Variants in IDS observed in about 807,000 individuals in gnomAD.
IDS encodes the protein alpha-L-iduronate sulfate sulfatase.
In IDS, 1 loss-of-function variant was observed where a neutral mutation model predicts 33.5. The ratio of observed to expected loss-of-function variants is 0.03; its 90% CI spans 0.01 to 0.14. The LOEUF is 0.14. Ranked by LOEUF, IDS falls within the 10% of genes least tolerant of loss-of-function variation. The pLI, the probability that IDS is intolerant of heterozygous loss-of-function variation, is 1.00. For synonymous variants in IDS, 191 were observed against 184.4 expected, an observed-to-expected ratio of 1.04 and a Z score of -0.29; for missense variants, 328 against 448.0, an observed-to-expected ratio of 0.73 and a Z score of 2.42.
Position 149,496,408 on chromosome X carries a change from G to A in IDS, c.817C>T (p.Arg273Trp), listed in dbSNP as rs1602740899. The A allele has an allele frequency of 3.3e-6, 4 of 1,210,280 alleles. No homozygotes were observed. The highest frequency in any genetic ancestry group is 2.2e-5 in the Admixed American group (1 of 46,059). The change falls in exon 6 of 9, where the codon CGG becomes TGG. Residue 273 changes from arginine to tryptophan, a missense_variant. Arg to Trp is a moderately radical substitution (Grantham distance 101). Transcript: ENST00000340855. ...AYNPWMDIRQ[R>W]EDVQALNISV... ...ATGTTTAAGGCTTGGACGTCTTCCC[G>A]TTGCCTGATGTCCATCCAGGGGTTG...
Position 149,478,356 on chromosome X carries a change from G to A in IDS, c.*4390C>T, listed in dbSNP as rs1454147185. On this transcript the variant is annotated 3_prime_UTR_variant, in exon 9 of 9. Transcript: ENST00000340855. ...ATTGCAATGGCCAAAAGGTAGAAAT[G>A]ACCCAAGTGGTCACTGGTGGATGAA... 8.9e-6 allele frequency: 1 copy of A among 112,167 alleles called. No individual in the cohort carries two copies. Among genetic ancestry groups the A allele is most frequent in the African/African-American group, 3.2e-5 (1 of 30,790 alleles). The allele number at this position is 112,167 out of a possible 1,213,427, so 9.2% of individuals were successfully genotyped here.
At chrX:149,496,680 C>T (rs1449734558) in intron 5 of IDS, among the ~76,000 whole-genome samples, 164 bp from the exon 6 acceptor site, 1 of 112,383 alleles carries the variant, frequency 8.9e-6, no homozygotes, top group Non-Finnish European at 1.9e-5. Context: ...GAAGTCCAGC[C>T]TTAAGTTACT....
chrX:149,490,225 C>T, intron 7 of IDS, 89 bp downstream of exon 7: 1 of 982,581 alleles, frequency 1.0e-6, no homozygotes, highest in Non-Finnish European at 1.5e-6. Context: ...GAGAACACAC[C>T]CATGTTTATG....
At chrX:149,498,031 C>T in intron 5 of IDS, 76 bp downstream of exon 5, 2 of 933,909 alleles carry the variant, frequency 2.1e-6, no homozygotes, top group Non-Finnish European at 3.1e-6. Context: ...AGCCACCTTC[C>T]CTGTGCAAAT....
intron 6 of IDS, among the ~76,000 whole-genome samples, chrX:149,494,006 G>A (rs2089415328): frequency 9.0e-6 from 1 of 111,483 alleles, no homozygotes; most frequent in Admixed American, 9.5e-5. Context: ...TAGAGAAGAG[G>A]TCATGCAAAC....
Position 149,505,199 on chromosome X carries a change from G to C in IDS, c.-62C>G. 5.9e-6 allele frequency: 5 copies of C among 841,424 alleles called. No individual in the cohort carries two copies. The highest frequency in any genetic ancestry group is 5.6e-5 in the Admixed American group (2 of 35,882). 69.3% of individuals were successfully genotyped at this position (841,424 alleles called of 1,213,427 possible). A position where few individuals can be genotyped will look rare whatever the true frequency, so the allele number is the denominator to read the frequency against. ...CAGGCTGCAGCAGGTGGCGCAGTTA[G>C]CAGCCGCCGCCGCAGCCACAGAGAC... On this transcript the variant is annotated 5_prime_UTR_variant, in exon 1 of 9. Coordinates refer to ENST00000340855, the MANE Select transcript of IDS (RefSeq NM_000202.8).
At chrX:149,504,759 GA>G (rs1557340495) in intron 1 of IDS, among the ~76,000 whole-genome samples, 1 of 102,262 alleles carries the variant, frequency 9.8e-6, no homozygotes, top group East Asian at 3.1e-4. Context: ...AAGATGGATG[GA>G]TAGAGATGGG....
Position 149,482,320 on chromosome X carries a change from C to T in IDS, c.*426G>A. ...AAATTATAAACAAAATAATCAGGAA[C>T]TTAGTGTGGTGCCTAGTTTGATATA... On this transcript the variant is annotated 3_prime_UTR_variant, in exon 9 of 9. Coordinates refer to ENST00000340855, the MANE Select transcript of IDS (RefSeq NM_000202.8). 7.5e-6 allele frequency: 1 copy of T among 133,031 alleles called. No individual in the cohort carries two copies. The highest frequency in any genetic ancestry group is 2.1e-4 in the South Asian group (1 of 4,680). 11.0% of individuals were successfully genotyped at this position (133,031 alleles called of 1,213,427 possible).
intron 1 of IDS, among the ~76,000 whole-genome samples, 162 bp downstream of exon 1, chrX:149,504,873 T>G (rs2089511594): frequency 5.4e-5 from 5 of 91,830 alleles, no homozygotes; most frequent in African/African-American, 1.3e-4. Flanking sequence ...TAGGAAGGAG[T>G]GAAAAATGGA....
chrX:149,486,339 G>A (rs1344919929), intron 8 of IDS, among the ~76,000 whole-genome samples: 1 of 111,861 alleles, frequency 8.9e-6, no homozygotes, highest in East Asian at 2.8e-4. Context: ...ATTGGTGGAT[G>A]GACAGGGTCG....
chrX:149,489,902 G>C (rs1003283472), intron 7 of IDS, among the ~76,000 whole-genome samples: 1 of 110,679 alleles, frequency 9.0e-6, no homozygotes, highest in Admixed American at 9.6e-5. Context: ...AGACAGCGGG[G>C]ATAGGGGTGG....
rs148038243 is a variant in IDS, at chrX:149,496,400, G to A, written c.825C>T (p.Asp275=). The A allele has an allele frequency of 1.8e-3, 2,178 of 1,209,266 alleles. 3 individuals carry two copies. The highest frequency in any genetic ancestry group is 2.3e-3 in the Non-Finnish European group (2,081 of 894,510). Residue 275 remains aspartate, a synonymous_variant, in exon 6 of 9, where the codon GAC becomes GAT. Transcript: ENST00000340855. Reference sequence around the variant, plus strand: ...GCACACTGATGTTTAAGGCTTGGACGTCTTCCCGTTGCCTGATGTCCATCC... The same window carrying A: ...GCACACTGATGTTTAAGGCTTGGACATCTTCCCGTTGCCTGATGTCCATCC... ...NPWMDIRQRE[D]VQALNISVPY... is the part of the protein sequence containing the mutation.
chrX:149,498,890 T>C (rs1003015445), intron 4 of IDS, among the ~76,000 whole-genome samples: 34 of 112,449 alleles, frequency 3.0e-4, no homozygotes, highest in African/African-American at 1.1e-3. Context: ...CCTCAAACAG[T>C]TAAACATAGT....
intron 7 of IDS, among the ~76,000 whole-genome samples, chrX:149,487,928 G>A (rs1426497395): frequency 4.4e-5 from 4 of 91,487 alleles, no homozygotes; most frequent in South Asian, 6.2e-4. Flanking sequence ...TGCTGGCTCC[G>A]TCTAATAGAT....
rs1011479652 is a variant in IDS at position 149,481,246 on chromosome X, T to C, written c.*1500A>G. On this transcript the variant is annotated 3_prime_UTR_variant, in exon 9 of 9. Transcript: ENST00000340855. Reference sequence around the variant, plus strand: ...AGAGACGAGCTTCAGGATCAGGAAATGAACAGGGCCCTTCAGTCACGGAGA... The same window carrying C: ...AGAGACGAGCTTCAGGATCAGGAAACGAACAGGGCCCTTCAGTCACGGAGA... The C allele has an allele frequency of 8.9e-6, 1 of 111,985 alleles. No individual in the cohort carries two copies. The highest frequency in any genetic ancestry group is 3.2e-5 in the African/African-American group (1 of 30,796). The allele number at this position is 111,985 out of a possible 1,213,427, so 9.2% of individuals were successfully genotyped here.
rs1557338602 is a variant in IDS, at chrX:149,490,418, A to G, written c.902T>C (p.Phe301Ser). The G allele has an allele frequency of 1.7e-6, 2 of 1,211,547 alleles. No homozygotes were observed. The highest frequency in any genetic ancestry group is 5.9e-5 in the East Asian group (2 of 33,849). ...DFQRKIRQSY[F>S]ASVSYLDTQV... Reference sequence around the variant, plus strand: ...TGTATCCAAATATGACACAGAGGCAAAGTAGCTCTGGCGGATTTTCCGCTG... The same window carrying G: ...TGTATCCAAATATGACACAGAGGCAGAGTAGCTCTGGCGGATTTTCCGCTG... The change falls in exon 7 of 9, where the codon TTT (phenylalanine) becomes TCT (serine). Residue 301 changes from phenylalanine to serine, a missense_variant. Physicochemically the swap from Phe to Ser is radical, Grantham distance 155. This residue lies in a region of IDS where 265 missense variants were observed against 339.2 expected (regional missense o/e 0.78). Coordinates refer to ENST00000340855, the MANE Select transcript of IDS (RefSeq NM_000202.8).
intron 8 of IDS, among the ~76,000 whole-genome samples, chrX:149,485,948 T>C (rs1165442179): frequency 1.8e-5 from 2 of 111,824 alleles, no homozygotes; most frequent in African/African-American, 6.5e-5. Flanking sequence ...CAAGACAAAT[T>C]TAAACAGGAA....
intron 8 of IDS, among the ~76,000 whole-genome samples, chrX:149,483,828 C>T (rs1237398546): frequency 8.9e-6 from 1 of 112,193 alleles, no homozygotes; most frequent in Non-Finnish European, 1.9e-5. Flanking sequence ...CCTCACCCAG[C>T]AACTGGAAAC....
chrX:149,495,946 A>T (rs2089432758), intron 6 of IDS, among the ~76,000 whole-genome samples: 1 of 111,995 alleles, frequency 8.9e-6, no homozygotes, highest in Admixed American at 9.4e-5. Flanking sequence ...CACAGAGGGA[A>T]CCTGCAAGTA....
Sources: gnomAD v4.1 joint callset for allele counts (sites outside exome capture counted in the v4.1 genomes callset) on GRCh38, gnomAD v4.1.1 for gene constraint, gnomAD v4.1.1 regional missense constraint, MANE v1.5 for transcripts, NCBI Gene and HGNC (gene_info 2026-07-23, HGNC 2026-07-21) for gene names.